SEMA3E: variants seen among roughly 807,000 people sequenced by gnomAD.
SEMA3E encodes semaphorin-3E.
In SEMA3E, 49 loss-of-function variants were observed where a neutral mutation model predicts 93.6. The observed-to-expected ratio is 0.52, with a 90% CI of 0.42 to 0.66. The LOEUF is 0.66. Ranked by LOEUF, SEMA3E falls within the 30% of genes least tolerant of loss-of-function variation. The pLI, the probability that SEMA3E is intolerant of heterozygous loss-of-function variation, is 0.00. For synonymous variants in SEMA3E, 363 were observed against 330.7 expected (o/e 1.10, Z -1.06); for missense variants, 906 against 964.8 (o/e 0.94, Z 0.81).
At chr7:83,394,160 ATAAAG>A (rs1191228604) in intron 13 of SEMA3E, 132 bp downstream of exon 13, 19 of 950,070 alleles carry the variant, frequency 2.0e-5, no homozygotes, top group Non-Finnish European at 2.5e-5. Flanking sequence ...CTACAATAAA[ATAAAG>A]TAATAAAAGA....
intron 1 of SEMA3E, among the ~76,000 whole-genome samples, chr7:83,543,624 C>A (rs1235668536): frequency 1.3e-5 from 2 of 152,036 alleles, no homozygotes; most frequent in Non-Finnish European, 2.9e-5. Flanking sequence ...CAAGCTAAGA[C>A]AGCTCTATTG....
At chr7:83,502,764 A>G (rs1219992791) in intron 1 of SEMA3E, among the ~76,000 whole-genome samples, 1 of 152,166 alleles carries the variant, frequency 6.6e-6, no homozygotes, top group Non-Finnish European at 1.5e-5. Context: ...CTGACAAGGA[A>G]CATGTTCCAT....
chr7:83,439,535 T>A (rs2713171), intron 4 of SEMA3E, among the ~76,000 whole-genome samples: 94,538 of 152,152 alleles, frequency 0.62, 33,236 homozygotes, highest in East Asian at 1. Flanking sequence ...AGTGTACTAT[T>A]CTTATACAGT....
chr7:83,465,965 A>G (rs1224288511), intron 4 of SEMA3E, among the ~76,000 whole-genome samples: 1 of 152,184 alleles, frequency 6.6e-6, no homozygotes, highest in East Asian at 1.9e-4. Context: ...GAAGAGATGT[A>G]TAACTGGCAC....
chr7:83,478,647 C>T (rs979667357), intron 2 of SEMA3E, among the ~76,000 whole-genome samples: 1 of 152,146 alleles, frequency 6.6e-6, no homozygotes, highest in Non-Finnish European at 1.5e-5. Flanking sequence ...TAATACCAGT[C>T]GGTGGTTCTT....
At chr7:83,629,603 C>T (rs551580215) in intron 1 of SEMA3E, among the ~76,000 whole-genome samples, 9 of 152,238 alleles carry the variant, frequency 5.9e-5, no homozygotes, top group Middle Eastern at 6.8e-3. Flanking sequence ...AAGGGAAAAC[C>T]GCCTACTCAA....
At chr7:83,436,069 C>T (rs959715822) in intron 4 of SEMA3E, among the ~76,000 whole-genome samples, 3 of 151,934 alleles carry the variant, frequency 2.0e-5, no homozygotes, top group African/African-American at 7.2e-5. Context: ...ACCATAATAT[C>T]AATACTATAT....
intron 1 of SEMA3E, among the ~76,000 whole-genome samples, chr7:83,576,256 C>T (rs1394031688): frequency 6.6e-6 from 1 of 152,138 alleles, no homozygotes; most frequent in African/African-American, 2.4e-5. Context: ...TCTTTGGAAG[C>T]TTATCTATCA....
chr7:83,603,965 T>C (rs762505764), intron 1 of SEMA3E, among the ~76,000 whole-genome samples: 1 of 152,102 alleles, frequency 6.6e-6, no homozygotes, highest in Non-Finnish European at 1.5e-5. Flanking sequence ...GAAAATTAAA[T>C]TTGTATAGAA....
intron 1 of SEMA3E, among the ~76,000 whole-genome samples, chr7:83,516,066 C>A (rs1289917100): frequency 6.6e-6 from 1 of 151,584 alleles, no homozygotes; most frequent in Non-Finnish European, 1.5e-5. Context: ...TACACAAAAA[C>A]CCAAAGAAAG....
At chr7:83,560,724 C>T (rs1460780365) in intron 1 of SEMA3E, among the ~76,000 whole-genome samples, 1 of 151,516 alleles carries the variant, frequency 6.6e-6, no homozygotes, top group East Asian at 1.9e-4. Context: ...TCTTAAAAAT[C>T]CTTTAAAAAT....
intron 8 of SEMA3E, 55 bp downstream of exon 8, chr7:83,405,890 T>C: frequency 8.0e-7 from 1 of 1,253,018 alleles, no homozygotes; most frequent in Non-Finnish European, 1.2e-6. Flanking sequence ...AGGGATAAAG[T>C]TATAAAGAAG....
chr7:83,416,562 G>T (rs1279806455), intron 5 of SEMA3E, among the ~76,000 whole-genome samples: 1 of 152,000 alleles, frequency 6.6e-6, no homozygotes. Context: ...TATAGAAGCA[G>T]CATATACTGT....
At chr7:83,393,741 C>A (rs1271854637) in intron 13 of SEMA3E, among the ~76,000 whole-genome samples, 2 of 152,086 alleles carry the variant, frequency 1.3e-5, no homozygotes, top group African/African-American at 4.8e-5. Flanking sequence ...TATGCAACAA[C>A]TGTTTCTAAA....
intron 4 of SEMA3E, among the ~76,000 whole-genome samples, chr7:83,420,121 C>T (rs976031587): frequency 2.6e-5 from 4 of 152,076 alleles, no homozygotes; most frequent in Admixed American, 6.6e-5. Flanking sequence ...GTCTAAAAAT[C>T]AGCAAAATTT....
intron 1 of SEMA3E, among the ~76,000 whole-genome samples, chr7:83,552,122 A>G (rs2115804366): frequency 6.6e-6 from 1 of 152,234 alleles, no homozygotes; most frequent in East Asian, 1.9e-4. Flanking sequence ...TGCACAGATT[A>G]TTTTATCAGG....
intron 4 of SEMA3E, among the ~76,000 whole-genome samples, chr7:83,420,261 GA>G (rs1788646849): frequency 6.6e-6 from 1 of 152,020 alleles, no homozygotes; most frequent in Non-Finnish European, 1.5e-5. Flanking sequence ...TCTACAAGGT[GA>G]AAGGCCTCTA....
chr7:83,451,544 A>G (rs1447521103), intron 4 of SEMA3E, among the ~76,000 whole-genome samples: 2 of 152,302 alleles, frequency 1.3e-5, no homozygotes, highest in East Asian at 3.9e-4. Flanking sequence ...GAGGAGGTGC[A>G]TATTCCTTCT....
intron 1 of SEMA3E, among the ~76,000 whole-genome samples, chr7:83,636,910 A>C (rs1034633742): frequency 2.4e-4 from 37 of 152,046 alleles, no homozygotes; most frequent in African/African-American, 8.2e-4. Flanking sequence ...TCATGCTTTC[A>C]TAGCATCCCT....
Sources: allele counts gnomAD v4.1 joint callset (sites outside exome capture counted in the v4.1 genomes callset), GRCh38; gene constraint gnomAD v4.1.1; transcripts MANE v1.5; gene names NCBI Gene and HGNC (gene_info 2026-07-23, HGNC 2026-07-21).